The following AGRN variants were observed in gnomAD, a reference collection of about 807,000 sequenced individuals.
The protein encoded by AGRN is agrin, also known as agrin proteoglycan.
In AGRN, 106 loss-of-function variants were observed where a neutral mutation model predicts 211.0. That is an observed-to-expected ratio of 0.50 (90% CI 0.43 to 0.59). The LOEUF (loss-of-function observed/expected upper bound fraction) is 0.59. AGRN is among the 20% of genes least tolerant of loss of function. AGRN has a pLI of 0.00. For missense variants in AGRN, 3,040 were observed against 2,982.6 expected, an observed-to-expected ratio of 1.02 and a Z score of -0.45; for synonymous variants, 1,525 against 1,332.5, an observed-to-expected ratio of 1.14 and a Z score of -3.15.
Position 1,051,333 on chromosome 1 carries a change from T to G in AGRN, c.5334T>G (p.Ala1778=). ...ACTTCAGCAAGCTGGCCCGTGCTGC[T>G]GCCGTGTCCTCTGGCTTCGACGGTG... ...APDFSKLARA[A]AVSSGFDGAI... is the part of the protein sequence containing the mutation. The change falls in exon 31 of 36, where the codon GCT becomes GCG. Residue 1778 remains alanine, a synonymous_variant. Transcript: ENST00000379370. 6.4e-7 allele frequency: 1 copy of G among 1,564,932 alleles called. No individual in the cohort carries two copies. Among genetic ancestry groups the G allele is most frequent in the African/African-American group, 1.3e-5 (1 of 74,138 alleles).
At position 1,044,378 on chromosome 1, in the gene AGRN, G is replaced by C. The variant is rs1340908178; in HGVS notation, c.2193G>C (p.Leu731=). The C allele has an allele frequency of 6.2e-7, 1 of 1,612,742 alleles. No individual in the cohort carries two copies. Among genetic ancestry groups the C allele is most frequent in the African/African-American group, 1.3e-5 (1 of 75,050 alleles). The change falls in exon 12 of 36, where the codon CTG becomes CTC. Residue 731 remains leucine (L), a synonymous_variant. Transcript: ENST00000379370. ...DGVTYSTECE[L]KKARCESQRG... ...TCACCTACAGCACCGAGTGTGAGCT[G>C]AAGAAGGCCAGGTGTGAGTCACAGC... is the stretch of plus-strand genomic sequence containing the variant.
chr1:1,047,930 C>T lies in AGRN; in HGVS notation c.3751+35C>T, dbSNP rs760973467. 11 of 1,601,012 alleles carry T rather than the reference C, an allele frequency of 6.9e-6. No homozygotes were observed. In the Admixed American group the frequency reaches 8.5e-5, roughly 12 times the overall value. On this transcript the variant is annotated intron_variant, in intron 22 of 35. Coordinates refer to ENST00000379370, the MANE Select transcript of AGRN (RefSeq NM_198576.4). ...AGGCCACGAGCCACAGCTTACCTGC[C>T]CCCTCCTCTGCCCATGCCCCTGCCC... is the stretch of plus-strand genomic sequence containing the variant.
In AGRN at chr1:1,048,919, C is replaced by T. The variant is rs1184086678; in HGVS notation, c.4158C>T (p.Pro1386=). 4 of 1,557,458 alleles carry T rather than the reference C, an allele frequency of 2.6e-6. No individual in the cohort carries two copies. Among genetic ancestry groups the T allele is most frequent in the Non-Finnish European group, 3.5e-6 (4 of 1,151,666 alleles). The change falls in exon 24 of 36, where the codon CCC becomes CCT. Residue 1386 remains proline (P), a synonymous_variant. Transcript: ENST00000379370. This position sits in a 1 kb window ranked among gnomAD's most constrained non-coding sequence, Gnocchi z 5.9. The stretch of plus-strand genomic sequence containing the variant: ...AGGGCCGCTCCTTCCTGGCCTTCCC[C>T]ACTCTCCGCGCCTACCACACGCTGC... The part of the protein sequence containing the change: ...AFEGRSFLAF[P]TLRAYHTLRL...
In AGRN at chr1:1,033,275, TC is replaced by T. The variant is rs1215454577; in HGVS notation, c.464-2000del. ...GCGATTTCTGGGCCGCTCACCTCACTCCACCCTCCAGCTCGCGCCGCACCTG... is the reference window on the plus strand; with the variant it reads ...GCGATTTCTGGGCCGCTCACCTCACTCACCCTCCAGCTCGCGCCGCACCTG... On this transcript the variant is annotated intron_variant, in intron 2 of 35. Transcript: ENST00000379370. 4.6e-5 allele frequency among the ~76,000 whole-genome samples: 7 copies of T among 151,814 alleles called. No homozygotes were observed. In the South Asian group the frequency reaches 8.3e-4, roughly 18 times the overall value.
intron 7 of AGRN, 74 bp downstream of exon 7, chr1:1,042,236 A>G: frequency 2.0e-6 from 3 of 1,478,804 alleles, no homozygotes; most frequent in East Asian, 2.3e-5. Flanking sequence ...ATCACATGCC[A>G]TCTTCATCCA....
In AGRN at chr1:1,045,527, A is replaced by G. The variant is rs772478233; in HGVS notation, c.2536+4A>G. On this transcript the variant is annotated splice_donor_region_variant and intron_variant, in intron 14 of 35. Transcript: ENST00000379370. ...GATGGCCGGAGTGGCTGTACACGTG[A>G]GTGACAGGGCCCAGGACTGGCCACC... 2 of 1,612,522 alleles carry G rather than the reference A, an allele frequency of 1.2e-6. No homozygotes were observed. Among genetic ancestry groups the G allele is most frequent in the African/African-American group, 2.7e-5 (2 of 75,022 alleles).
intron 2 of AGRN, chr1:1,034,781 G>GGACCCGCC: frequency 2.1e-6 from 2 of 964,180 alleles, no homozygotes; most frequent in Non-Finnish European, 2.5e-6. Context: ...TGGAGGCCGC[G>GGACCCGCC]GCGGGTCCGC....
chr1:1,033,570 A>G (rs1353765382), intron 2 of AGRN, among the ~76,000 whole-genome samples: 6 of 104,456 alleles, frequency 5.7e-5, no homozygotes, highest in Non-Finnish European at 1.2e-4. Context: ...CCCCCGGCCC[A>G]GCCCCACCGC....
intron 33 of AGRN, chr1:1,052,033 G>GC (rs561038305): frequency 1.1e-4 from 161 of 1,512,918 alleles, no homozygotes; most frequent in Middle Eastern, 3.4e-4. Flanking sequence ...AGAGCTCGGC[G>GC]CCCCCCGCTC....
chr1:1,050,130 G>T, intron 27 of AGRN, 93 bp downstream of exon 27: 1 of 1,585,406 alleles, frequency 6.3e-7, no homozygotes, highest in Non-Finnish European at 8.6e-7. Context: ...TTAGGATGCG[G>T]CTCAGTCTAG....
In AGRN at chr1:1,051,740, A is replaced by C; in HGVS notation, c.5576A>C (p.Lys1859Thr). ...GPHCEKGLVE[K>T]SAGDVDTLAF... Reference sequence around the variant, plus strand: ...GCCTATCTCACAGGGCTGGTGGAGAAGTCAGCGGGGGACGTGGATACCTTG... The same window carrying C: ...GCCTATCTCACAGGGCTGGTGGAGACGTCAGCGGGGGACGTGGATACCTTG... Residue 1859 changes from lysine (K) to threonine (T), a missense_variant, in exon 33 of 36, where the codon AAG (lysine) becomes ACG (threonine). By Grantham distance (78) the Lys-to-Thr change is moderately conservative (BLOSUM62 -1). Coordinates refer to ENST00000379370, the MANE Select transcript of AGRN (RefSeq NM_198576.4). 2 of 1,613,852 alleles carry C rather than the reference A, an allele frequency of 1.2e-6. No individual in the cohort carries two copies. Among genetic ancestry groups the C allele is most frequent in the Middle Eastern group, 1.6e-4 (1 of 6,062 alleles).
In AGRN at chr1:1,049,668, C is replaced by T. The variant is rs761723335; in HGVS notation, c.4617C>T (p.Ala1539=). The T allele has an allele frequency of 1.3e-6, 2 of 1,577,800 alleles. No homozygotes were observed. The highest frequency in any genetic ancestry group is 2.3e-5 in the East Asian group (1 of 43,140). Residue 1539 remains alanine, a synonymous_variant, in exon 26 of 36, where the codon GCC becomes GCT. Coordinates refer to ENST00000379370, the MANE Select transcript of AGRN (RefSeq NM_198576.4). ...AGCTTGGCATTGGGCCGGGGGCTGCCACCCGAGGCTCTGGCGTGGGCGAGT... is the reference window on the plus strand; with the variant it reads ...AGCTTGGCATTGGGCCGGGGGCTGCTACCCGAGGCTCTGGCGTGGGCGAGT... ...RLELGIGPGA[A]TRGSGVGECG...
rs1290783816 is a variant in AGRN at position 1,055,959 on chromosome 1, C to T, written c.*978C>T. ...TGCCTTAAACTGCAACGTCCCGTCCCTTCCCCACCCCCATCCCATCCCCAC... is the reference window on the plus strand; with the variant it reads ...TGCCTTAAACTGCAACGTCCCGTCCTTTCCCCACCCCCATCCCATCCCCAC... On this transcript the variant is annotated 3_prime_UTR_variant, in exon 36 of 36. Transcript: ENST00000379370. 3.9e-5 allele frequency: 6 copies of T among 152,288 alleles called. No individual in the cohort carries two copies. The highest frequency in any genetic ancestry group is 1.4e-4 in the African/African-American group (6 of 41,460). The allele number at this position is 152,288 out of a possible 1,614,324, so 9.4% of individuals were successfully genotyped here.
chr1:1,054,746 T>G, intron 35 of AGRN, 78 bp from the exon 36 acceptor site: 1 of 1,527,144 alleles, frequency 6.5e-7, no homozygotes, highest in East Asian at 2.5e-5. Flanking sequence ...GTGGGCCCCC[T>G]GCTGGTCACC....
rs767153644 is a variant in AGRN at position 1,042,059 on chromosome 1, C to A, written c.1281C>A (p.Pro427=). The A allele has an allele frequency of 6.2e-7, 1 of 1,607,984 alleles. No individual in the cohort carries two copies. Among genetic ancestry groups the A allele is most frequent in the Non-Finnish European group, 8.5e-7 (1 of 1,179,526 alleles). The change falls in exon 7 of 36, where the codon CCC becomes CCA. Residue 427 remains proline (P), a synonymous_variant. Coordinates refer to ENST00000379370, the MANE Select transcript of AGRN (RefSeq NM_198576.4). Reference sequence around the variant, plus strand: ...TCACCTGTGACGGGGCCTACAGGCCCGTGTGTGCCCAGGACGGGCGCACGT... The same window carrying A: ...TCACCTGTGACGGGGCCTACAGGCCAGTGTGTGCCCAGGACGGGCGCACGT... The part of the protein sequence containing the change: ...DRVTCDGAYR[P]VCAQDGRTYD...
Position 1,031,393 on chromosome 1 carries a change from G to A in AGRN, c.464-3884G>A, listed in dbSNP as rs928368202. 1.3e-5 allele frequency among the ~76,000 whole-genome samples: 2 copies of A among 152,154 alleles called. No individual in the cohort carries two copies. Among genetic ancestry groups the A allele is most frequent in the Non-Finnish European group, 2.9e-5 (2 of 68,006 alleles). On this transcript the variant is annotated intron_variant, in intron 2 of 35. Transcript: ENST00000379370. The surrounding 1 kb of genome is among the most constrained non-coding windows in gnomAD (Gnocchi z 4.8). ...CTGCGTGGGCTGGTCAGGGCTGAAT[G>A]ATTTTGTCTGAAGATCCCAAAATAG...
At chr1:1,052,741 G>A (rs1007383619) in intron 33 of AGRN, 5 of 154,146 alleles carry the variant, frequency 3.2e-5, no homozygotes, top group African/African-American at 5.1e-5. Flanking sequence ...GTGTGTGTCC[G>A]AGTGTGTGTG....
intron 28 of AGRN, 45 bp from the exon 29 acceptor site, chr1:1,050,382 G>T (rs199935969): frequency 6.2e-7 from 1 of 1,612,784 alleles, no homozygotes; most frequent in South Asian, 1.1e-5. Flanking sequence ...CGTCTCTCCT[G>T]TGGGGAGGGG....
rs1275152023 is a variant in AGRN at position 1,043,345 on chromosome 1, C to G, written c.1491C>G (p.Leu497=). The G allele has an allele frequency of 2.5e-6, 4 of 1,610,626 alleles. No homozygotes were observed. The highest frequency in any genetic ancestry group is 1.7e-5 in the Admixed American group (1 of 59,524). The change falls in exon 8 of 36, where the codon CTC becomes CTG. Residue 497 remains leucine (L), a synonymous_variant. Transcript: ENST00000379370. ...AATGCCTGCAGGCGTGCTCGAGCCT[C>G]TACGATCCTGTGTGCGGCAGCGACG... The part of the protein sequence containing the change: ...ACECLQACSS[L]YDPVCGSDGV...
Sources: gnomAD v4.1 joint callset for allele counts (sites outside exome capture counted in the v4.1 genomes callset) on GRCh38, gnomAD v4.1.1 for gene constraint, Gnocchi (gnomAD v3.1) non-coding constraint, MANE v1.5 for transcripts, NCBI Gene and HGNC (gene_info 2026-07-23, HGNC 2026-07-21) for gene names.